The following DYSF variants were observed in gnomAD, a reference collection of about 807,000 sequenced individuals.
The protein encoded by DYSF is dysferlin.
In DYSF, 212 loss-of-function variants were observed where a neutral mutation model predicts 274.9. The ratio of observed to expected loss-of-function variants is 0.77; its 90% CI spans 0.69 to 0.86. DYSF has a LOEUF of 0.86. Among genes scored for constraint, DYSF ranks in the 40% least tolerant of loss-of-function variants. The probability of loss-of-function intolerance (pLI) is 0.00; values close to 1 mark genes in which losing one functional copy is unlikely to be tolerated. For missense variants in DYSF, 2,666 were observed against 2,783.2 expected (o/e 0.96, Z 0.95); for synonymous variants, 1,091 against 1,078.7 (o/e 1.01, Z -0.22).
chr2:71,596,370 T>C (rs948674938), intron 32 of DYSF, among the ~76,000 whole-genome samples: 4 of 152,172 alleles, frequency 2.6e-5, no homozygotes, highest in African/African-American at 9.7e-5. Flanking sequence ...GGGGCCCGCA[T>C]GCTTATAAAA....
intron 41 of DYSF, among the ~76,000 whole-genome samples, chr2:71,639,136 A>G (rs2094450816): frequency 6.6e-6 from 1 of 152,174 alleles, no homozygotes. Flanking sequence ...TCTCTGGGGA[A>G]TGTCAACTTA....
rs71402990 is a variant in DYSF at position 71,537,223 on chromosome 2, G to GTTTTTTTTT, written c.1494-1919_1494-1911dup. Reference sequence around the variant, plus strand: ...CAGGAAATTTTTACTTTCTAGTTTTGTTTTTTTTTTTTTTTTTTTTTTTGC... The same window carrying GTTTTTTTTT: ...CAGGAAATTTTTACTTTCTAGTTTTGTTTTTTTTTTTTTTTTTTTTTTTTTTTTTTTTGC... On this transcript the variant is annotated intron_variant, in intron 16 of 55. Coordinates refer to ENST00000410020, the MANE Select transcript of DYSF (RefSeq NM_001130987.2). 7.3e-4 allele frequency among the ~76,000 whole-genome samples: 58 copies of GTTTTTTTTT among 79,634 alleles called. 1 individual carries two copies. Among genetic ancestry groups the GTTTTTTTTT allele is most frequent in the African/African-American group, 1.3e-3 (28 of 21,416 alleles). 52.2% of individuals were successfully genotyped at this position (79,634 alleles called of 152,430 possible). A position where few individuals can be genotyped will look rare whatever the true frequency, so the allele number is the denominator to read the frequency against.
At chr2:71,478,922 C>T (rs2082642997) in intron 1 of DYSF, among the ~76,000 whole-genome samples, 1 of 152,074 alleles carries the variant, frequency 6.6e-6, no homozygotes, top group Admixed American at 6.6e-5. Flanking sequence ...TCCTCTTCTC[C>T]AGGCTCTGAA....
At chr2:71,624,402 A>G (rs1252574239) in intron 41 of DYSF, among the ~76,000 whole-genome samples, 1 of 152,220 alleles carries the variant, frequency 6.6e-6, no homozygotes, top group African/African-American at 2.4e-5. Context: ...ATTAATAAGT[A>G]TGACTTTCGA....
Position 71,601,507 on chromosome 2 carries a change from C to G in DYSF, c.3906C>G (p.Ile1302Met). 6.2e-7 allele frequency: 1 copy of G among 1,614,240 alleles called. No homozygotes were observed. Among genetic ancestry groups the G allele is most frequent in the Non-Finnish European group, 8.5e-7 (1 of 1,180,050 alleles). Residue 1302 changes from isoleucine (I) to methionine (M), a missense_variant, in exon 35 of 56, where the codon ATC (isoleucine) becomes ATG (methionine). Ile to Met is a conservative substitution (Grantham distance 10). Coordinates refer to ENST00000410020, the MANE Select transcript of DYSF (RefSeq NM_001130987.2). ...FELIQREKPAIHHIPGFEVQE... is the reference protein window; with the variant it reads ...FELIQREKPAMHHIPGFEVQE... ...TCTTTTCTTCACTCCAGCCGGCCAT[C>G]CACCATATTCCTGGTTTTGAGGTAA...
At position 71,535,049 on chromosome 2, in the gene DYSF, C is replaced by T. The variant is rs1214232857; in HGVS notation, c.1409C>T (p.Ala470Val). Residue 470 changes from alanine to valine, a missense_variant, in exon 15 of 56, where the codon GCC becomes GTC. Physicochemically the swap from Ala to Val is moderately conservative, Grantham distance 64. Around this residue, in one of 3 missense-constraint regions of DYSF, gnomAD observed 794 missense variants for 777.1 expected, o/e 1.02. Transcript: ENST00000410020. ...MLCSKILEKT[A>V]NPQWNQNITL... ...TGCAGCAAGATCTTGGAGAAGACGG[C>T]CAACCCTCAGTGGAACCAGAACATC... 1.2e-6 allele frequency: 2 copies of T among 1,614,158 alleles called. No individual in the cohort carries two copies. Among genetic ancestry groups the T allele is most frequent in the Admixed American group, 3.3e-5 (2 of 60,028 alleles).
At chr2:71,532,440 A>G (rs1327164442) in intron 14 of DYSF, among the ~76,000 whole-genome samples, 1 of 152,234 alleles carries the variant, frequency 6.6e-6, no homozygotes, top group Non-Finnish European at 1.5e-5. Context: ...AGAAAAAAAG[A>G]GAAGCAGAGG....
chr2:71,568,725 TAATTTTTAAATTTTTTGTAG>T (rs1477937901), intron 26 of DYSF, among the ~76,000 whole-genome samples: 2 of 152,124 alleles, frequency 1.3e-5, no homozygotes, highest in Non-Finnish European at 2.9e-5. Context: ...CATGCCTGGC[TAATTTTTAAATTTTTTGTAG>T]AGACAGGGTC....
chr2:71,556,000 G>C lies in DYSF; in HGVS notation c.2145G>C (p.Lys715Asn), dbSNP rs1157531091. 6.4e-7 allele frequency: 1 copy of C among 1,573,702 alleles called. No individual in the cohort carries two copies. Among genetic ancestry groups the C allele is most frequent in the Non-Finnish European group, 8.6e-7 (1 of 1,159,680 alleles). Residue 715 changes from lysine to asparagine, a missense_variant, in exon 22 of 56, where the codon AAG (lysine) becomes AAC (asparagine). Physicochemically the swap from Lys to Asn is moderately conservative, Grantham distance 94. Transcript: ENST00000410020. ...TGGAGCAGGTCCACCTGGCCCTGAA[G>C]GCGCAGTGCTCCACGGAGGACGTGG... ...AGLEQVHLAL[K>N]AQCSTEDVDS...
At chr2:71,681,242 C>A in intron 54 of DYSF, 132 bp downstream of exon 54, 2 of 781,308 alleles carry the variant, frequency 2.6e-6, no homozygotes, top group Non-Finnish European at 4.4e-6. Context: ...ACGACTCATC[C>A]AAGGCCACAC....
At chr2:71,671,364 T>C (rs2095117953) in intron 51 of DYSF, among the ~76,000 whole-genome samples, 1 of 152,162 alleles carries the variant, frequency 6.6e-6, no homozygotes, top group Admixed American at 6.5e-5. Flanking sequence ...AAAGCCAAGG[T>C]TGCATCTGCC....
Position 71,660,703 on chromosome 2 carries a change from C to G in DYSF, c.5003+52C>G, listed in dbSNP as rs772242504. The G allele has an allele frequency of 6.7e-6, 10 of 1,494,122 alleles. No individual in the cohort carries two copies. In the East Asian group the frequency reaches 2.0e-4, roughly 30 times the overall value. The allele number at this position is 1,494,122 out of a possible 1,614,324, so 92.6% of individuals were successfully genotyped here. A position where few individuals can be genotyped will look rare whatever the true frequency, so the allele number is the denominator to read the frequency against. ...GGTGGAGGAGCCAGACAGGATAACC[C>G]ACAGTCTAGTGGGGGAGATGTGACT... On this transcript the variant is annotated intron_variant, in intron 45 of 55. Transcript: ENST00000410020.
At position 71,513,829 on chromosome 2, in the gene DYSF, T is replaced by C; in HGVS notation, c.667T>C (p.Ser223Pro). ...GAPTTPRKLP[S>P]RPPPHYPGIK... ...TCCCACCACCCCAAGGAAACTACCT[T>C]CACGTCCTCCGCCCCACTACCCCGG... is the stretch of plus-strand genomic sequence containing the variant. The change falls in exon 7 of 56, where the codon TCA (serine) becomes CCA (proline). Residue 223 changes from serine (S) to proline (P), a missense_variant. Physicochemically the swap from Ser to Pro is moderately conservative, Grantham distance 74. This residue lies in a region of DYSF where 794 missense variants were observed against 777.1 expected (regional missense o/e 1.02). Coordinates refer to ENST00000410020, the MANE Select transcript of DYSF (RefSeq NM_001130987.2). 1 of 1,614,154 alleles carries C rather than the reference T, an allele frequency of 6.2e-7. No individual in the cohort carries two copies. Among genetic ancestry groups the C allele is most frequent in the Non-Finnish European group, 8.5e-7 (1 of 1,180,004 alleles).
At chr2:71,501,310 C>T (rs147741148) in intron 3 of DYSF, among the ~76,000 whole-genome samples, 171 of 152,180 alleles carry the variant, frequency 1.1e-3, no homozygotes, top group African/African-American at 4.0e-3. Flanking sequence ...AGCAAGGGCA[C>T]GAGCAAGGCG....
intron 7 of DYSF, among the ~76,000 whole-genome samples, chr2:71,514,971 C>CA (rs60727651): frequency 0.051 from 7,011 of 138,284 alleles, 191 homozygotes; most frequent in Middle Eastern, 0.11. Flanking sequence ...ATGCAATTTA[C>CA]AAAAAAAAAA....
At chr2:71,662,887 C>T (rs911267981) in intron 45 of DYSF, among the ~76,000 whole-genome samples, 3 of 41,128 alleles carry the variant, frequency 7.3e-5, no homozygotes, top group Non-Finnish European at 1.3e-4. Context: ...TGTGTGTGTA[C>T]GTGAGTACAT....
rs766435391 is a variant in DYSF at position 71,686,474 on chromosome 2, G to A, written c.6342G>A (p.Leu2114=). The A allele has an allele frequency of 1.5e-5, 24 of 1,614,158 alleles. No homozygotes were observed. In the South Asian group the frequency reaches 2.6e-4, roughly 18 times the overall value. The change falls in exon 56 of 56, where the codon CTG becomes CTA. Residue 2114 remains leucine, a synonymous_variant. Transcript: ENST00000410020. ...YAFPNYAAMK[L]VKPFS ...TCCAGAACTATGCTGCCATGAAGCTGGTGAAGCCCTTCAGCTGAGGACTCT... is the reference window on the plus strand; with the variant it reads ...TCCAGAACTATGCTGCCATGAAGCTAGTGAAGCCCTTCAGCTGAGGACTCT...
chr2:71,674,009 T>C (rs1195506009), intron 51 of DYSF, among the ~76,000 whole-genome samples, 188 bp from the exon 52 acceptor site: 1 of 152,158 alleles, frequency 6.6e-6, no homozygotes, highest in Admixed American at 6.5e-5. Flanking sequence ...CGGTGCCCTT[T>C]TGGGCCCTTG....
At chr2:71,543,501 A>T (rs1446354212) in intron 17 of DYSF, among the ~76,000 whole-genome samples, 2 of 152,228 alleles carry the variant, frequency 1.3e-5, no homozygotes, top group Non-Finnish European at 2.9e-5. Flanking sequence ...TTGGGAGGCC[A>T]AGGCAGGCGG....
Sources: allele counts gnomAD v4.1 joint callset (sites outside exome capture counted in the v4.1 genomes callset), GRCh38; gene constraint gnomAD v4.1.1; regional missense constraint gnomAD v4.1.1; transcripts MANE v1.5; gene names NCBI Gene and HGNC (gene_info 2026-07-23, HGNC 2026-07-21).